The following HIVEP3 variants were observed in gnomAD, a reference collection of about 807,000 sequenced individuals.
HIVEP3 encodes the protein transcription factor HIVEP3.
In HIVEP3, 49 loss-of-function variants were observed where a neutral mutation model predicts 152.8. That is an observed-to-expected ratio of 0.32 (90% confidence interval 0.26 to 0.41). The LOEUF is 0.41. Among genes scored for constraint, HIVEP3 ranks in the 10% least tolerant of loss-of-function variants. The pLI, the probability that HIVEP3 is intolerant of heterozygous loss-of-function variation, is 1.00. For synonymous variants in HIVEP3, 1,269 were observed against 1,289.0 expected (o/e 0.98, Z 0.33); for missense variants, 2,790 against 3,103.3 (o/e 0.90, Z 2.40).
intron 1 of HIVEP3, among the ~76,000 whole-genome samples, chr1:41,762,064 T>C (rs1184759920): frequency 6.6e-6 from 1 of 152,192 alleles, no homozygotes; most frequent in Non-Finnish European, 1.5e-5. Flanking sequence ...TTTTACACTG[T>C]CATGCTCACC....
At chr1:41,655,122 G>C (rs1645609438) in intron 2 of HIVEP3, among the ~76,000 whole-genome samples, 1 of 152,252 alleles carries the variant, frequency 6.6e-6, no homozygotes. Flanking sequence ...AGTCTGAGCT[G>C]TCTGACCGAG....
At chr1:41,585,398 T>G (rs1294739583) in intron 3 of HIVEP3, 80 bp from the exon 4 acceptor site, 1 of 398,508 alleles carries the variant, frequency 2.5e-6, no homozygotes, top group African/African-American at 2.1e-5. Flanking sequence ...ATGCACAGCC[T>G]GGGCAGCCCA....
chr1:42,026,383 G>A (rs1200457725), intron 1 of HIVEP3, among the ~76,000 whole-genome samples: 2 of 152,100 alleles, frequency 1.3e-5, no homozygotes, highest in Non-Finnish European at 2.9e-5. Context: ...AAGAACTTAG[G>A]TGTTCTAGTG....
At chr1:41,684,412 T>C (rs1343428422) in intron 2 of HIVEP3, among the ~76,000 whole-genome samples, 1 of 152,188 alleles carries the variant, frequency 6.6e-6, no homozygotes, top group Admixed American at 6.5e-5. Context: ...TCACATGGCC[T>C]CTCCAGGGTC....
At chr1:41,726,336 G>A (rs1038899461) in intron 1 of HIVEP3, among the ~76,000 whole-genome samples, 1 of 152,160 alleles carries the variant, frequency 6.6e-6, no homozygotes, top group African/African-American at 2.4e-5. Flanking sequence ...CCATCTCTAA[G>A]TTGTAACAGG....
intron 1 of HIVEP3, among the ~76,000 whole-genome samples, chr1:41,950,330 C>G (rs1159462911): frequency 6.6e-6 from 1 of 151,242 alleles, no homozygotes; most frequent in Non-Finnish European, 1.5e-5. Context: ...CAAAACAAAA[C>G]AAACAAAAAA....
intron 5 of HIVEP3, among the ~76,000 whole-genome samples, chr1:41,571,924 T>C (rs1644256525): frequency 6.6e-6 from 1 of 152,086 alleles, no homozygotes; most frequent in African/African-American, 2.4e-5. Flanking sequence ...TTTGGAGTTC[T>C]AGAGATAGGG....
At chr1:41,527,315 C>A (rs1643010579) in intron 5 of HIVEP3, among the ~76,000 whole-genome samples, 1 of 47,520 alleles carries the variant, frequency 2.1e-5, no homozygotes, top group East Asian at 2.3e-4. Context: ...ACACTTCACA[C>A]CCCTGCACTC....
At chr1:41,754,528 C>T (rs886986408) in intron 1 of HIVEP3, among the ~76,000 whole-genome samples, 7 of 152,132 alleles carry the variant, frequency 4.6e-5, no homozygotes, top group Non-Finnish European at 7.4e-5. Context: ...GCCTGCCTGC[C>T]GTACGTGTGG....
At chr1:41,832,321 A>T (rs1642986527) in intron 1 of HIVEP3, among the ~76,000 whole-genome samples, 1 of 152,196 alleles carries the variant, frequency 6.6e-6, no homozygotes, top group South Asian at 2.1e-4. Context: ...TAAGCCCAGG[A>T]GTTCAAGACC....
chr1:41,780,567 C>A (rs1389940325), intron 1 of HIVEP3, among the ~76,000 whole-genome samples: 1 of 152,172 alleles, frequency 6.6e-6, no homozygotes, highest in East Asian at 1.9e-4. Flanking sequence ...TTGGAGCAGG[C>A]CCCTTGACAT....
intron 2 of HIVEP3, among the ~76,000 whole-genome samples, chr1:41,677,714 C>T (rs1645978105): frequency 6.6e-6 from 1 of 152,246 alleles, no homozygotes; most frequent in Non-Finnish European, 1.5e-5. Context: ...TAATATCCAG[C>T]ATTGGCCTGT....
At chr1:41,687,663 C>T (rs939708774) in intron 2 of HIVEP3, among the ~76,000 whole-genome samples, 6 of 152,232 alleles carry the variant, frequency 3.9e-5, no homozygotes, top group African/African-American at 9.6e-5. Flanking sequence ...ACAGAGTCCC[C>T]GGTGCCCCTT....
At chr1:41,627,365 C>T (rs1385002352) in intron 3 of HIVEP3, among the ~76,000 whole-genome samples, 2 of 152,176 alleles carry the variant, frequency 1.3e-5, no homozygotes, top group East Asian at 1.9e-4. Flanking sequence ...CACTAAGAGT[C>T]GGGGCTGGGA....
At chr1:42,017,542 T>A (rs1251014060) in intron 1 of HIVEP3, among the ~76,000 whole-genome samples, 1 of 152,186 alleles carries the variant, frequency 6.6e-6, no homozygotes, top group Non-Finnish European at 1.5e-5. Context: ...TTTGAGTGTT[T>A]GGCTTCTTTT....
At chr1:41,744,565 T>C (rs188309106) in intron 1 of HIVEP3, among the ~76,000 whole-genome samples, 1 of 152,350 alleles carries the variant, frequency 6.6e-6, no homozygotes, top group East Asian at 1.9e-4. Flanking sequence ...TGGTATTTAA[T>C]GTCTAACGGA....
chr1:41,851,289 CTTTTTTTTTTTTTTTTTTTT>C (rs34180186), intron 1 of HIVEP3, among the ~76,000 whole-genome samples: 1 of 59,758 alleles, frequency 1.7e-5, no homozygotes, highest in African/African-American at 7.1e-5. Context: ...TCTTCTTCTT[CTTTTTTTTTTTTTTTTTTTT>C]TTTTTTTTTT....
At chr1:41,779,401 G>A (rs545101713) in intron 1 of HIVEP3, among the ~76,000 whole-genome samples, 11 of 152,352 alleles carry the variant, frequency 7.2e-5, no homozygotes, top group African/African-American at 2.2e-4. Context: ...GGGCTATTGT[G>A]AGATTAAATG....
At chr1:41,862,725 G>T (rs1488672393) in intron 1 of HIVEP3, among the ~76,000 whole-genome samples, 1 of 152,204 alleles carries the variant, frequency 6.6e-6, no homozygotes. Flanking sequence ...CAGGCAGCTT[G>T]TTGTGAAAAG....
Sources: gnomAD v4.1 joint callset for allele counts (sites outside exome capture counted in the v4.1 genomes callset) on GRCh38, gnomAD v4.1.1 for gene constraint, MANE v1.5 for transcripts, NCBI Gene and HGNC (gene_info 2026-07-23, HGNC 2026-07-21) for gene names.